The following NRXN3 variants were observed in gnomAD, a reference collection of about 807,000 sequenced individuals.
NRXN3 encodes the protein neurexin 3.
A neutral mutation model predicts 137.6 loss-of-function variants in NRXN3; 32 were observed. The ratio of observed to expected loss-of-function variants is 0.23; its 90% CI spans 0.18 to 0.31. The LOEUF (loss-of-function observed/expected upper bound fraction) is 0.31, where lower values mean the gene tolerates loss of function less well. Ranked by LOEUF, NRXN3 falls within the 10% of genes least tolerant of loss-of-function variation. The probability of loss-of-function intolerance (pLI) is 1.00; values close to 1 mark genes in which losing one functional copy is unlikely to be tolerated. For synonymous variants in NRXN3, 798 were observed against 784.5 expected, an observed-to-expected ratio of 1.02 and a Z score of -0.29; for missense variants, 1,574 against 2,062.5, an observed-to-expected ratio of 0.76 and a Z score of 4.59.
chr14:79,358,435 A>G (rs2093510540), intron 15 of NRXN3, among the ~76,000 whole-genome samples: 1 of 151,356 alleles, frequency 6.6e-6, no homozygotes, highest in South Asian at 2.1e-4. Context: ...TCAGCCAGGC[A>G]TGGTGGCGGG....
intron 10 of NRXN3, among the ~76,000 whole-genome samples, chr14:78,928,277 C>A (rs760437108): frequency 8.5e-5 from 13 of 152,062 alleles, no homozygotes; most frequent in Admixed American, 2.0e-4. Flanking sequence ...CTTCCTCCTG[C>A]AAATTCTGAC....
At chr14:79,526,175 G>C (rs1185590150) in intron 16 of NRXN3, among the ~76,000 whole-genome samples, 5 of 152,112 alleles carry the variant, frequency 3.3e-5, no homozygotes. Flanking sequence ...AGCCTCCCGA[G>C]TAGCTGGGAT....
intron 8 of NRXN3, among the ~76,000 whole-genome samples, chr14:78,777,384 G>A (rs143641506): frequency 7.9e-5 from 12 of 152,194 alleles, no homozygotes; most frequent in Admixed American, 2.6e-4. Context: ...AATATAAGTC[G>A]CATGCTGAGT....
intron 10 of NRXN3, among the ~76,000 whole-genome samples, chr14:78,902,793 A>G (rs2099201201): frequency 1.3e-5 from 2 of 151,858 alleles, no homozygotes; most frequent in South Asian, 4.1e-4. Flanking sequence ...CTAAATGATT[A>G]CAATTACCTA....
intron 15 of NRXN3, among the ~76,000 whole-genome samples, chr14:79,344,545 C>A (rs756775177): frequency 1.3e-5 from 2 of 152,118 alleles, no homozygotes; most frequent in African/African-American, 4.8e-5. Context: ...ATATCTTTTT[C>A]TTTTACATTT....
At chr14:79,235,127 G>A (rs2073147194) in intron 15 of NRXN3, among the ~76,000 whole-genome samples, 1 of 152,010 alleles carries the variant, frequency 6.6e-6, no homozygotes, top group Non-Finnish European at 1.5e-5. Context: ...CTTCTCTTCA[G>A]TATTTGATTT....
chr14:79,416,417 G>A (rs1412562875), intron 15 of NRXN3, among the ~76,000 whole-genome samples: 1 of 152,048 alleles, frequency 6.6e-6, no homozygotes, highest in Admixed American at 6.6e-5. Flanking sequence ...CAAACAGAAA[G>A]CTATCTCATA....
intron 10 of NRXN3, among the ~76,000 whole-genome samples, chr14:78,897,581 T>C (rs1164932429): frequency 6.6e-6 from 1 of 151,854 alleles, no homozygotes; most frequent in East Asian, 2.0e-4. Flanking sequence ...AGTGACAGGA[T>C]CTTGATGGAC....
intron 10 of NRXN3, among the ~76,000 whole-genome samples, chr14:78,897,316 T>C (rs1444033116): frequency 6.6e-6 from 1 of 151,944 alleles, no homozygotes; most frequent in Non-Finnish European, 1.5e-5. Context: ...CATATTTCTG[T>C]TAAGACATCA....
At chr14:78,885,102 A>G (rs2152674953) in intron 10 of NRXN3, among the ~76,000 whole-genome samples, 1 of 149,946 alleles carries the variant, frequency 6.7e-6, no homozygotes, top group South Asian at 2.1e-4. Context: ...TACAAGTGTC[A>G]TAATGTGAAA....
At chr14:79,247,606 T>C (rs2075363119) in intron 15 of NRXN3, among the ~76,000 whole-genome samples, 1 of 152,132 alleles carries the variant, frequency 6.6e-6, no homozygotes, top group Non-Finnish European at 1.5e-5. Context: ...TTTCCCCTTA[T>C]ACCTTTCCCA....
chr14:79,361,160 A>G (rs77936022), intron 15 of NRXN3, among the ~76,000 whole-genome samples: 1 of 152,180 alleles, frequency 6.6e-6, no homozygotes, highest in Non-Finnish European at 1.5e-5. Context: ...TGGTAACAAC[A>G]TTCTGGGAAA....
intron 15 of NRXN3, among the ~76,000 whole-genome samples, chr14:79,126,324 C>CTT (rs2056450012): frequency 1.3e-5 from 2 of 148,322 alleles, no homozygotes; most frequent in Non-Finnish European, 3.0e-5. Flanking sequence ...ATCCCTCCCC[C>CTT]CCGCCCCACC....
intron 19 of NRXN3, among the ~76,000 whole-genome samples, chr14:79,742,005 A>G (rs2098964907): frequency 2.0e-5 from 3 of 152,184 alleles, no homozygotes. Flanking sequence ...CAATATCCTT[A>G]TACATATTTG....
chr14:78,245,817 G>A (rs562778244), intron 2 of NRXN3, among the ~76,000 whole-genome samples: 17 of 152,208 alleles, frequency 1.1e-4, no homozygotes, highest in African/African-American at 3.9e-4. Flanking sequence ...GAGATGCCAG[G>A]CATATATATC....
At chr14:78,656,865 A>C (rs1372095773) in intron 6 of NRXN3, among the ~76,000 whole-genome samples, 1 of 151,900 alleles carries the variant, frequency 6.6e-6, no homozygotes, top group African/African-American at 2.4e-5. Context: ...GACACGGTGA[A>C]ACCCCATCTC....
chr14:79,429,972 A>G (rs1567103604), intron 15 of NRXN3, among the ~76,000 whole-genome samples: 2 of 151,002 alleles, frequency 1.3e-5, no homozygotes, highest in African/African-American at 4.9e-5. Flanking sequence ...TCTTGTTGTC[A>G]GGAAAAAAAA....
chr14:78,324,700 A>G (rs2079832266), intron 4 of NRXN3, among the ~76,000 whole-genome samples: 1 of 152,106 alleles, frequency 6.6e-6, no homozygotes, highest in Admixed American at 6.5e-5. Context: ...TATGCAGTGG[A>G]TGTAATATAT....
intron 19 of NRXN3, among the ~76,000 whole-genome samples, chr14:79,787,651 T>A (rs2099133290): frequency 6.6e-6 from 1 of 152,214 alleles, no homozygotes; most frequent in Non-Finnish European, 1.5e-5. Context: ...ATACGGGATT[T>A]GTCTCTCTGT....
Sources: gnomAD v4.1 joint callset for allele counts (sites outside exome capture counted in the v4.1 genomes callset) on GRCh38, gnomAD v4.1.1 for gene constraint, MANE v1.5 for transcripts, NCBI Gene and HGNC (gene_info 2026-07-23, HGNC 2026-07-21) for gene names.